TARS3: variants seen among roughly 807,000 people sequenced by gnomAD.
The protein encoded by TARS3 is threonine--tRNA ligase 2, cytoplasmic.
TARS3 carries 94 observed loss-of-function variants against 103.5 expected under a neutral mutation model. The ratio of observed to expected loss-of-function variants is 0.91; its 90% confidence interval spans 0.77 to 1.08. The LOEUF is 1.08. TARS3 is among the 50% of genes least tolerant of loss of function. TARS3 has a pLI of 0.00. For missense variants in TARS3, 952 were observed against 995.2 expected (o/e 0.96, Z 0.58); for synonymous variants, 416 against 355.4 (o/e 1.17, Z -1.92).
intron 13 of TARS3, 98 bp from the exon 14 acceptor site, chr15:101,671,846 G>T: frequency 2.1e-6 from 2 of 944,116 alleles, no homozygotes; most frequent in Non-Finnish European, 3.2e-6. Flanking sequence ...TACAGTCTAT[G>T]TTAGTTCAAC....
chr15:101,681,884 C>G (rs895796797), intron 12 of TARS3, among the ~76,000 whole-genome samples: 4 of 152,052 alleles, frequency 2.6e-5, no homozygotes, highest in Non-Finnish European at 4.4e-5. Flanking sequence ...AGTCTTATCC[C>G]AAAGTACTAT....
chr15:101,686,109 C>T, intron 10 of TARS3, 47 bp from the exon 11 acceptor site: 6 of 1,482,316 alleles, frequency 4.0e-6, no homozygotes, highest in Non-Finnish European at 5.5e-6. Flanking sequence ...GGGCAGATCA[C>T]AATTCCATGC....
chr15:101,720,057 A>G (rs1900370155), intron 3 of TARS3, among the ~76,000 whole-genome samples: 1 of 152,172 alleles, frequency 6.6e-6, no homozygotes, highest in South Asian at 2.1e-4. Context: ...GAGAAAACAA[A>G]CTTATTCTTG....
In TARS3 at chr15:101,714,929, C is replaced by T; in HGVS notation, c.601G>A (p.Val201Ile). Residue 201 changes from valine to isoleucine, a missense_variant, in exon 4 of 19, where the codon GTC becomes ATC. By Grantham distance (29) the Val-to-Ile change is conservative (BLOSUM62 3). This residue lies in a region of TARS3 where 412 missense variants were observed against 364.2 expected (regional missense o/e 1.13). Transcript: ENST00000335968. ...TCCAGGTCCCACAGTTCACCATTGA[C>T]TTTGGCTATTACCGTGCTTTCAGCC... ...ELAESTVIAK[V>I]NGELWDLDRP... 1 of 1,612,274 alleles carries T rather than the reference C, an allele frequency of 6.2e-7. No individual in the cohort carries two copies. The highest frequency in any genetic ancestry group is 8.5e-7 in the Non-Finnish European group (1 of 1,178,890).
chr15:101,656,453 C>T (rs564003250), intron 18 of TARS3, among the ~76,000 whole-genome samples: 1 of 152,350 alleles, frequency 6.6e-6, no homozygotes, highest in East Asian at 1.9e-4. Context: ...GATTCTGCAT[C>T]TAATTAGTCA....
rs1044986786 is a variant in TARS3, at chr15:101,724,441, G to C, written c.-54C>G. The C allele has an allele frequency of 7.9e-5, 107 of 1,355,306 alleles. No homozygotes were observed. Among genetic ancestry groups the C allele is most frequent in the Non-Finnish European group, 9.1e-5 (97 of 1,061,370 alleles). The allele number at this position is 1,355,306 out of a possible 1,614,324, so 84.0% of individuals were successfully genotyped here. On this transcript the variant is annotated 5_prime_UTR_variant, in exon 1 of 19. Transcript: ENST00000335968. ...GCGGGGTGCCCGCGACTGCGGCGAG[G>C]GCGACGCGGACACTCAGCGCACGGC...
intron 1 of TARS3, among the ~76,000 whole-genome samples, chr15:101,723,746 T>A (rs1900609879): frequency 6.6e-6 from 1 of 152,234 alleles, no homozygotes; most frequent in Admixed American, 6.5e-5. Flanking sequence ...TACGCAGCTG[T>A]TAGTCTTTCT....
chr15:101,692,329 G>A (rs1284137344), intron 10 of TARS3, among the ~76,000 whole-genome samples: 4 of 123,248 alleles, frequency 3.2e-5, no homozygotes, highest in Non-Finnish European at 5.1e-5. Flanking sequence ...TCTCCTCCAC[G>A]GCTCCAAGCT....
At chr15:101,721,597 C>A (rs548276480) in intron 2 of TARS3, among the ~76,000 whole-genome samples, 2 of 152,144 alleles carry the variant, frequency 1.3e-5, no homozygotes, top group African/African-American at 4.8e-5. Flanking sequence ...TAGGTTCAAG[C>A]GATTTTCCTG....
At position 101,709,104 on chromosome 15, in the gene TARS3, G is replaced by A. The variant is rs1349304365; in HGVS notation, c.813-194C>T. The stretch of plus-strand genomic sequence containing the variant: ...GAGACTGGGCATCAACAGTTGCCAA[G>A]ACCTGCCTCATTTCTCCTCTGCTGC... On this transcript the variant is annotated intron_variant, in intron 5 of 18. Transcript: ENST00000335968. 2.0e-5 allele frequency among the ~76,000 whole-genome samples: 3 copies of A among 152,188 alleles called. No homozygotes were observed. In the East Asian group the frequency reaches 5.8e-4, roughly 29 times the overall value.
chr15:101,724,254 G>A lies in TARS3; in HGVS notation c.134C>T (p.Ala45Val), dbSNP rs774812534. The change falls in exon 1 of 19, where the codon GCG becomes GTG. Residue 45 changes from alanine to valine, a missense_variant. By Grantham distance (64) the Ala-to-Val change is moderately conservative. Coordinates refer to ENST00000335968, the MANE Select transcript of TARS3 (RefSeq NM_152334.3). ...EQLNAPYSCQAEGPCLTREVA... is the reference protein window; with the variant it reads ...EQLNAPYSCQVEGPCLTREVA... Reference sequence around the variant, plus strand: ...CTCCCGCGTGAGGCACGGCCCCTCCGCCTGGCAGCTGTAGGGCGCGTTCAG... The same window carrying A: ...CTCCCGCGTGAGGCACGGCCCCTCCACCTGGCAGCTGTAGGGCGCGTTCAG... 6.4e-7 allele frequency: 1 copy of A among 1,560,630 alleles called. No homozygotes were observed. The highest frequency in any genetic ancestry group is 8.6e-7 in the Non-Finnish European group (1 of 1,160,248).
intron 6 of TARS3, among the ~76,000 whole-genome samples, chr15:101,707,218 C>G (rs1368876375): frequency 1.3e-5 from 2 of 152,078 alleles, no homozygotes; most frequent in Non-Finnish European, 2.9e-5. Context: ...AAAACTGAAC[C>G]CCCTGTGCAT....
chr15:101,678,896 T>C (rs1470151507), intron 12 of TARS3, among the ~76,000 whole-genome samples: 3 of 152,220 alleles, frequency 2.0e-5, no homozygotes, highest in Admixed American at 6.5e-5. Context: ...GTATTTTCTT[T>C]AGACATAGAA....
At chr15:101,675,926 GAGA>G (rs35870581) in intron 12 of TARS3, among the ~76,000 whole-genome samples, 189 bp from the exon 13 acceptor site, 5,115 of 152,336 alleles carry the variant, frequency 0.034, 112 homozygotes, top group Middle Eastern at 0.089. Flanking sequence ...GCAGGGAATG[GAGA>G]AGGAGTAGGC....
intron 5 of TARS3, among the ~76,000 whole-genome samples, 175 bp downstream of exon 5, chr15:101,711,705 T>G (rs956632622): frequency 6.6e-6 from 1 of 152,230 alleles, no homozygotes; most frequent in Admixed American, 6.5e-5. Flanking sequence ...GGCTATTAGT[T>G]AAGTTTAGGA....
chr15:101,689,359 T>C (rs765675182), intron 10 of TARS3, among the ~76,000 whole-genome samples: 2 of 152,112 alleles, frequency 1.3e-5, no homozygotes, highest in Non-Finnish European at 2.9e-5. Flanking sequence ...CCACTATTAT[T>C]GGTTTAACTG....
chr15:101,690,156 G>A (rs939859364), intron 10 of TARS3, among the ~76,000 whole-genome samples: 1 of 152,138 alleles, frequency 6.6e-6, no homozygotes, highest in Non-Finnish European at 1.5e-5. Context: ...GAGGCACAGG[G>A]GGTGAGCCAG....
chr15:101,671,425 A>G, intron 15 of TARS3, 61 bp downstream of exon 15: 1 of 1,271,718 alleles, frequency 7.9e-7, no homozygotes, highest in East Asian at 2.4e-5. Context: ...CATTGCTAAT[A>G]CTCAAATGAC....
At chr15:101,657,929 C>T in intron 16 of TARS3, 72 bp from the exon 17 acceptor site, 1 of 992,978 alleles carries the variant, frequency 1.0e-6, no homozygotes, top group Non-Finnish European at 1.5e-6. Flanking sequence ...TTTCAAATAA[C>T]CAAAGATTCT....
Sources: gnomAD v4.1 joint callset for allele counts (sites outside exome capture counted in the v4.1 genomes callset) on GRCh38, gnomAD v4.1.1 for gene constraint, gnomAD v4.1.1 regional missense constraint, MANE v1.5 for transcripts, NCBI Gene and HGNC (gene_info 2026-07-23, HGNC 2026-07-21) for gene names.